PARD3B: variants seen among roughly 807,000 people sequenced by gnomAD.
PARD3B encodes partitioning defective 3 homolog B.
Under a neutral mutation model 130.2 loss-of-function variants are expected in PARD3B, and 103 were observed. The ratio of observed to expected loss-of-function variants is 0.79; its 90% confidence interval spans 0.67 to 0.93. The LOEUF (loss-of-function observed/expected upper bound fraction) is 0.93. Among genes scored for constraint, PARD3B ranks in the 40% least tolerant of loss-of-function variants. The pLI is 0.00. For missense variants in PARD3B, 1,609 were observed against 1,499.2 expected (o/e 1.07, Z -1.21); for synonymous variants, 583 against 553.2 (o/e 1.05, Z -0.76).
intron 2 of PARD3B, among the ~76,000 whole-genome samples, chr2:204,852,524 A>C (rs12464532): frequency 0.016 from 2,385 of 152,254 alleles, 177 homozygotes; most frequent in Admixed American, 0.13. Context: ...TGAAGTAAAA[A>C]AATTTTGAAT....
chr2:205,232,473 C>T (rs1486220013), intron 15 of PARD3B, among the ~76,000 whole-genome samples: 2 of 151,808 alleles, frequency 1.3e-5, no homozygotes, highest in Non-Finnish European at 2.9e-5. Flanking sequence ...TTTAAAATTA[C>T]AGGAATATAT....
intron 2 of PARD3B, among the ~76,000 whole-genome samples, chr2:204,752,563 A>G (rs1040027150): frequency 6.6e-6 from 1 of 152,146 alleles, no homozygotes; most frequent in African/African-American, 2.4e-5. Context: ...TGCCTTAGAG[A>G]TCAGTAAGCT....
At chr2:205,457,028 C>A (rs1265596404) in intron 20 of PARD3B, among the ~76,000 whole-genome samples, 1 of 151,528 alleles carries the variant, frequency 6.6e-6, no homozygotes, top group Non-Finnish European at 1.5e-5. Context: ...AGTATTACCT[C>A]CCCTTCTTTT....
chr2:204,913,469 T>C (rs1334302654), intron 2 of PARD3B, among the ~76,000 whole-genome samples: 1 of 152,164 alleles, frequency 6.6e-6, no homozygotes, highest in Non-Finnish European at 1.5e-5. Flanking sequence ...AAATGAGCTG[T>C]AGTACCGCTA....
chr2:204,770,692 C>A (rs1454629245), intron 2 of PARD3B, among the ~76,000 whole-genome samples: 4 of 151,944 alleles, frequency 2.6e-5, no homozygotes, highest in Non-Finnish European at 5.9e-5. Context: ...TTTCCCTCCT[C>A]CTTTGTAGGA....
intron 19 of PARD3B, among the ~76,000 whole-genome samples, chr2:205,431,724 C>T (rs1213776721): frequency 1.3e-5 from 2 of 152,160 alleles, no homozygotes; most frequent in Non-Finnish European, 2.9e-5. Context: ...CCACCTCGGC[C>T]TCCCAAAGTC....
chr2:205,576,566 G>A (rs1009850043), intron 22 of PARD3B, among the ~76,000 whole-genome samples: 1 of 152,108 alleles, frequency 6.6e-6, no homozygotes, highest in African/African-American at 2.4e-5. Context: ...CTTCTCCATT[G>A]TATTGCCTTT....
intron 21 of PARD3B, among the ~76,000 whole-genome samples, chr2:205,538,959 G>T (rs544252881): frequency 6.6e-6 from 1 of 152,020 alleles, no homozygotes; most frequent in African/African-American, 2.4e-5. Context: ...ATTACTAATC[G>T]CATTTACAGA....
intron 16 of PARD3B, among the ~76,000 whole-genome samples, chr2:205,257,668 G>A (rs190092843): frequency 7.2e-5 from 11 of 152,116 alleles, no homozygotes; most frequent in South Asian, 2.1e-4. Context: ...CATGTTTTTC[G>A]CAAATAAAAT....
At chr2:204,548,738 C>T (rs1032849038) in intron 1 of PARD3B, among the ~76,000 whole-genome samples, 1 of 152,088 alleles carries the variant, frequency 6.6e-6, no homozygotes, top group Non-Finnish European at 1.5e-5. Flanking sequence ...TTTATGAGGT[C>T]TACATGTAGA....
intron 22 of PARD3B, among the ~76,000 whole-genome samples, chr2:205,557,619 C>G (rs1260794183): frequency 6.6e-6 from 1 of 152,198 alleles, no homozygotes; most frequent in East Asian, 1.9e-4. Context: ...GTTTTCTAAT[C>G]TGCAAATTGG....
chr2:205,430,267 C>T (rs967255699), intron 19 of PARD3B, among the ~76,000 whole-genome samples: 1 of 152,138 alleles, frequency 6.6e-6, no homozygotes, highest in African/African-American at 2.4e-5. Flanking sequence ...TGAAAGAAAG[C>T]TGTGTATAAG....
rs532997996 is a variant in PARD3B, at chr2:204,678,278, C to G, written c.121-7903C>G. Among the ~76,000 whole-genome samples the G allele has an allele frequency of 6.6e-6, 1 of 152,104 alleles. No homozygotes were observed. Among genetic ancestry groups the G allele is most frequent in the African/African-American group, 2.4e-5 (1 of 41,414 alleles). ...CCCGTGGTAGCAATCAGTGGTTGCCCGCAACTTCTGGAGCCCCAGAGGTTG... is the reference window on the plus strand; with the variant it reads ...CCCGTGGTAGCAATCAGTGGTTGCCGGCAACTTCTGGAGCCCCAGAGGTTG... On this transcript the variant is annotated intron_variant, in intron 1 of 22. Coordinates refer to ENST00000406610, the MANE Select transcript of PARD3B (RefSeq NM_001302769.2). This position sits in a 1 kb window ranked among gnomAD's most constrained non-coding sequence, Gnocchi z 4.2.
intron 3 of PARD3B, among the ~76,000 whole-genome samples, chr2:205,037,466 G>A (rs1313471125): frequency 2.7e-5 from 4 of 146,352 alleles, no homozygotes; most frequent in Non-Finnish European, 6.0e-5. Flanking sequence ...TGGACTATAT[G>A]CATAAAATAT....
chr2:205,494,659 G>A (rs2049858592), intron 20 of PARD3B, among the ~76,000 whole-genome samples: 1 of 152,276 alleles, frequency 6.6e-6, no homozygotes, highest in East Asian at 1.9e-4. Flanking sequence ...ATATCAAAAG[G>A]TACGGCTATA....
chr2:205,147,847 T>C (rs1470226425), intron 10 of PARD3B, among the ~76,000 whole-genome samples: 1 of 152,174 alleles, frequency 6.6e-6, no homozygotes, highest in Non-Finnish European at 1.5e-5. Flanking sequence ...TCTTCTCTTA[T>C]TTATTGCAAC....
At position 205,573,855 on chromosome 2, in the gene PARD3B, A is replaced by T. The variant is rs118044724; in HGVS notation, c.3260+20452A>T. The stretch of plus-strand genomic sequence containing the variant: ...AACTGCACAGGTTGCAGACTAGACA[A>T]GTTAACAGTTCTTTCTCTGTCGGCA... On this transcript the variant is annotated intron_variant, in intron 22 of 22. Transcript: ENST00000406610. Among the ~76,000 whole-genome samples, 90 of 152,320 alleles carry T rather than the reference A, an allele frequency of 5.9e-4. 2 individuals carry two copies. In the East Asian group the frequency reaches 0.014, roughly 24 times the overall value.
rs10707308 is a variant in PARD3B at position 205,249,006 on chromosome 2, G to GTTTTT, written c.2185+3201_2185+3205dup. Among the ~76,000 whole-genome samples the GTTTTT allele has an allele frequency of 2.0e-3, 188 of 95,088 alleles. 4 individuals carry two copies. Among genetic ancestry groups the GTTTTT allele is most frequent in the African/African-American group, 8.2e-3 (176 of 21,464 alleles). The allele number at this position is 95,088 out of a possible 152,430, so 62.4% of individuals were successfully genotyped here. On this transcript the variant is annotated intron_variant, in intron 16 of 22. Transcript: ENST00000406610. Reference sequence around the variant, plus strand: ...TCAGAATATTTAGGTTAAAATAAGAGTTTTTTTTTTTTTTTTTTTTTGAGA... The same window carrying GTTTTT: ...TCAGAATATTTAGGTTAAAATAAGAGTTTTTTTTTTTTTTTTTTTTTTTTTTGAGA...
rs149616454 is a variant in PARD3B at position 205,539,574 on chromosome 2, G to A, written c.3181-13750G>A. Among the ~76,000 whole-genome samples the A allele has an allele frequency of 1.5e-3, 236 of 152,306 alleles. 3 individuals are homozygous for A. Among genetic ancestry groups the A allele is most frequent in the African/African-American group, 5.2e-3 (217 of 41,562 alleles). ...TCCTTTCCCCAGTGCCTGCCAGACT[G>A]TTCACGAAGTAGCAGCCCAGCTGTC... On this transcript the variant is annotated intron_variant, in intron 21 of 22. Transcript: ENST00000406610.
Sources: gnomAD v4.1 joint callset for allele counts (sites outside exome capture counted in the v4.1 genomes callset) on GRCh38, gnomAD v4.1.1 for gene constraint, Gnocchi (gnomAD v3.1) non-coding constraint, MANE v1.5 for transcripts, NCBI Gene and HGNC (gene_info 2026-07-23, HGNC 2026-07-21) for gene names.